Variants in DCC observed in about 807,000 individuals in gnomAD.
DCC encodes the protein netrin receptor DCC.
Under a neutral mutation model 172.5 loss-of-function variants are expected in DCC, and 58 were observed. The ratio of observed to expected loss-of-function variants is 0.34; its 90% CI spans 0.27 to 0.42. DCC has a LOEUF of 0.42. Among genes scored for constraint, DCC ranks in the 10% least tolerant of loss-of-function variants. The probability of loss-of-function intolerance (pLI) is 1.00; values close to 1 mark genes in which losing one functional copy is unlikely to be tolerated. For synonymous variants in DCC, 709 were observed against 644.5 expected (o/e 1.10, Z -1.52); for missense variants, 1,740 against 1,791.0 (o/e 0.97, Z 0.51).
chr18:52,468,744 T>C (rs1988860399), intron 1 of DCC, among the ~76,000 whole-genome samples: 1 of 152,214 alleles, frequency 6.6e-6, no homozygotes, highest in South Asian at 2.1e-4. Context: ...CCAGATTGTC[T>C]GATTTTCACA....
intron 2 of DCC, among the ~76,000 whole-genome samples, chr18:52,902,399 CA>C (rs2039822905): frequency 1.3e-5 from 2 of 152,120 alleles, no homozygotes; most frequent in African/African-American, 4.8e-5. Flanking sequence ...GCTATCATTA[CA>C]ACGGATCAGA....
intron 5 of DCC, among the ~76,000 whole-genome samples, chr18:52,992,638 TAATC>T (rs67120202): frequency 0.14 from 20,739 of 151,992 alleles, 1,729 homozygotes; most frequent in African/African-American, 0.25. Flanking sequence ...TGCAAACTCA[TAATC>T]AATCAGTACA....
chr18:53,261,221 G>A (rs2056595165), intron 12 of DCC, among the ~76,000 whole-genome samples: 1 of 152,100 alleles, frequency 6.6e-6, no homozygotes, highest in Admixed American at 6.5e-5. Flanking sequence ...TGCACCCACT[G>A]CCTGACACTC....
chr18:53,402,953 C>G (rs1364249170), intron 19 of DCC, 60 bp downstream of exon 19: 7 of 1,178,470 alleles, frequency 5.9e-6, no homozygotes, highest in East Asian at 4.7e-5. Flanking sequence ...TTGCTTACCC[C>G]CTACATGAGC....
chr18:52,791,656 T>A (rs1420730904), intron 2 of DCC, among the ~76,000 whole-genome samples: 1 of 151,942 alleles, frequency 6.6e-6, no homozygotes, highest in Non-Finnish European at 1.5e-5. Flanking sequence ...GTAACCTGCC[T>A]GACTCCTCAA....
intron 1 of DCC, among the ~76,000 whole-genome samples, chr18:52,637,639 G>A (rs1230075455): frequency 1.3e-5 from 2 of 152,092 alleles, no homozygotes; most frequent in South Asian, 4.1e-4. Flanking sequence ...AAGAAAATAT[G>A]AACAAAGCCT....
chr18:52,436,025 C>T (rs1404324557), intron 1 of DCC, among the ~76,000 whole-genome samples: 3 of 152,338 alleles, frequency 2.0e-5, no homozygotes, highest in East Asian at 1.9e-4. Context: ...CGGAGTTCTC[C>T]GGAAACTCTG....
chr18:52,949,284 T>C (rs1303630934), intron 5 of DCC, among the ~76,000 whole-genome samples: 2 of 152,194 alleles, frequency 1.3e-5, no homozygotes, highest in Non-Finnish European at 2.9e-5. Flanking sequence ...TTCTTGACTC[T>C]GAAGCTTATC....
intron 5 of DCC, among the ~76,000 whole-genome samples, chr18:53,018,367 C>T (rs1409424316): frequency 6.6e-6 from 1 of 152,156 alleles, no homozygotes; most frequent in Non-Finnish European, 1.5e-5. Context: ...CCAGTTGCTC[C>T]CAAACTGGCT....
At chr18:53,383,499 T>C (rs547525410) in intron 15 of DCC, among the ~76,000 whole-genome samples, 3 of 149,510 alleles carry the variant, frequency 2.0e-5, no homozygotes, top group African/African-American at 4.9e-5. Flanking sequence ...TTTGACATGA[T>C]TTTATTAGTT....
chr18:52,995,819 G>A (rs1010867214), intron 5 of DCC, among the ~76,000 whole-genome samples: 2 of 151,662 alleles, frequency 1.3e-5, no homozygotes, highest in Non-Finnish European at 2.9e-5. Context: ...AAACCCAAAT[G>A]GCCTAGTCAC....
intron 2 of DCC, chr18:52,759,089 G>A (rs2037119279): frequency 6.6e-6 from 1 of 152,204 alleles, no homozygotes; most frequent in East Asian, 1.9e-4. Context: ...GGTCTTATAA[G>A]TAACTGTTAT....
At chr18:52,795,663 TC>T (rs2037861122) in intron 2 of DCC, among the ~76,000 whole-genome samples, 1 of 151,994 alleles carries the variant, frequency 6.6e-6, no homozygotes, top group Non-Finnish European at 1.5e-5. Flanking sequence ...TCTTATTTTT[TC>T]TAGTTCCTTA....
At chr18:52,657,620 G>A (rs1013760427) in intron 1 of DCC, among the ~76,000 whole-genome samples, 1 of 152,126 alleles carries the variant, frequency 6.6e-6, no homozygotes, top group Non-Finnish European at 1.5e-5. Flanking sequence ...AAGTTTCAGG[G>A]TGTTAAAGAC....
chr18:52,450,246 A>G (rs1223055086), intron 1 of DCC, among the ~76,000 whole-genome samples: 1 of 152,168 alleles, frequency 6.6e-6, no homozygotes, highest in African/African-American at 2.4e-5. Context: ...GTTTGATTAA[A>G]CTTGCTTATA....
intron 2 of DCC, among the ~76,000 whole-genome samples, chr18:52,893,696 A>G (rs540249676): frequency 6.4e-4 from 97 of 152,348 alleles, no homozygotes; most frequent in African/African-American, 2.1e-3. Flanking sequence ...TAACTATAAC[A>G]TAGCACAAGT....
chr18:53,473,397 T>A (rs1231208560), intron 25 of DCC, among the ~76,000 whole-genome samples: 1 of 152,326 alleles, frequency 6.6e-6, no homozygotes. Context: ...TAAAATGCCT[T>A]CCTTATGTTT....
intron 1 of DCC, among the ~76,000 whole-genome samples, chr18:52,506,392 T>C (rs1019842930): frequency 9.9e-5 from 15 of 152,174 alleles, no homozygotes; most frequent in African/African-American, 3.6e-4. Flanking sequence ...ACACAATTTA[T>C]GATATAATAG....
intron 5 of DCC, among the ~76,000 whole-genome samples, chr18:52,999,575 C>G (rs2041534094): frequency 6.6e-6 from 1 of 152,124 alleles, no homozygotes; most frequent in East Asian, 1.9e-4. Context: ...AAATCTGTTG[C>G]TACACTAGAT....
Sources: gnomAD v4.1 joint callset for allele counts (sites outside exome capture counted in the v4.1 genomes callset) on GRCh38, gnomAD v4.1.1 for gene constraint, MANE v1.5 for transcripts, NCBI Gene and HGNC (gene_info 2026-07-23, HGNC 2026-07-21) for gene names.